NFIC: variants seen among roughly 807,000 people sequenced by gnomAD.
The protein encoded by NFIC is nuclear factor I C.
A neutral mutation model predicts 54.4 loss-of-function variants in NFIC; 12 were observed. The observed-to-expected ratio is 0.22, with a 90% confidence interval of 0.14 to 0.36. The LOEUF (loss-of-function observed/expected upper bound fraction) is 0.36, where lower values mean the gene tolerates loss of function less well. Ranked by LOEUF, NFIC falls within the 10% of genes least tolerant of loss-of-function variation. NFIC has a pLI of 1.00. For missense variants in NFIC, 575 were observed against 718.2 expected, an observed-to-expected ratio of 0.80 and a Z score of 2.28; for synonymous variants, 322 against 319.2, an observed-to-expected ratio of 1.01 and a Z score of -0.09.
chr19:3,437,531 C>A (rs1568183162), intron 6 of NFIC, among the ~76,000 whole-genome samples: 2 of 148,588 alleles, frequency 1.3e-5, no homozygotes, highest in East Asian at 4.0e-4. Flanking sequence ...TTATGAGGTT[C>A]TTTTTTTGTT....
chr19:3,420,708 T>C (rs983397152), intron 2 of NFIC, among the ~76,000 whole-genome samples: 2 of 152,050 alleles, frequency 1.3e-5, no homozygotes, highest in Non-Finnish European at 2.9e-5. Flanking sequence ...TCTGGGAGTT[T>C]TATTAATAAT....
At chr19:3,435,897 G>A (rs1346143816) in intron 6 of NFIC, among the ~76,000 whole-genome samples, 1 of 151,904 alleles carries the variant, frequency 6.6e-6, no homozygotes, top group Admixed American at 6.6e-5. Flanking sequence ...CGCGATCTCC[G>A]CTCACTGCAG....
At chr19:3,403,170 A>C (rs949176841) in intron 2 of NFIC, among the ~76,000 whole-genome samples, 1 of 152,154 alleles carries the variant, frequency 6.6e-6, no homozygotes, top group African/African-American at 2.4e-5. Context: ...AAAAGCATTT[A>C]TCGAGCACCA....
chr19:3,408,891 G>A (rs561730919), intron 2 of NFIC, among the ~76,000 whole-genome samples: 4 of 152,088 alleles, frequency 2.6e-5, no homozygotes, highest in South Asian at 2.1e-4. Flanking sequence ...GCTGACACCC[G>A]GCTAATTTTT....
chr19:3,464,832 T>G lies in NFIC; in HGVS notation c.*2063T>G. On this transcript the variant is annotated 3_prime_UTR_variant, in exon 11 of 11. Coordinates refer to ENST00000443272, the MANE Select transcript of NFIC (RefSeq NM_001245002.2). Reference sequence around the variant, plus strand: ...CTGTCCTCGGGGCCCGCTCCCCCGGTGGCCCTTGGGGATCAAAGCGTGGGC... The same window carrying G: ...CTGTCCTCGGGGCCCGCTCCCCCGGGGGCCCTTGGGGATCAAAGCGTGGGC... 4 of 463,748 alleles carry G rather than the reference T, an allele frequency of 8.6e-6. No homozygotes were observed. Among genetic ancestry groups the G allele is most frequent in the Non-Finnish European group, 8.5e-6 (3 of 354,888 alleles). The allele number at this position is 463,748 out of a possible 1,614,324, so 28.7% of individuals were successfully genotyped here. A position where few individuals can be genotyped will look rare whatever the true frequency, so the allele number is the denominator to read the frequency against.
chr19:3,390,579 A>G (rs2081361857), intron 2 of NFIC, among the ~76,000 whole-genome samples: 1 of 152,170 alleles, frequency 6.6e-6, no homozygotes, highest in Non-Finnish European at 1.5e-5. Context: ...AATGGGGATG[A>G]TAATAATCCT....
intron 2 of NFIC, among the ~76,000 whole-genome samples, chr19:3,412,571 A>C (rs2081781737): frequency 6.6e-6 from 1 of 152,124 alleles, no homozygotes; most frequent in Non-Finnish European, 1.5e-5. Flanking sequence ...CATACGTTTT[A>C]AAGAGAGGTG....
Position 3,454,379 on chromosome 19 carries a change from G to A in NFIC, c.1423+463G>A, listed in dbSNP as rs1053251806. 3.8e-5 allele frequency: 23 copies of A among 609,286 alleles called. No homozygotes were observed. The South Asian group carries it at 1.3e-3, about 34-fold the overall frequency. 37.7% of individuals were successfully genotyped at this position (609,286 alleles called of 1,614,324 possible). ...TTCCAGAGTTCTGGCTTCTTGGGGA[G>A]AAAGGAGCTACACCAGGCCCAGTTC... is the stretch of plus-strand genomic sequence containing the variant. On this transcript the variant is annotated intron_variant, in intron 9 of 10. Transcript: ENST00000443272.
At chr19:3,415,175 C>G (rs987217190) in intron 2 of NFIC, among the ~76,000 whole-genome samples, 1 of 145,474 alleles carries the variant, frequency 6.9e-6, no homozygotes, top group Admixed American at 6.9e-5. Context: ...TGCAGTGGTA[C>G]GATCTCGGCT....
In NFIC at chr19:3,430,192, C is replaced by G. The variant is rs115668485; in HGVS notation, c.635-3326C>G. 2.5e-3 allele frequency among the ~76,000 whole-genome samples: 381 copies of G among 152,010 alleles called. 3 individuals are homozygous for G. The highest frequency in any genetic ancestry group is 7.9e-3 in the African/African-American group (327 of 41,476). On this transcript the variant is annotated intron_variant, in intron 3 of 10. Transcript: ENST00000443272. The stretch of plus-strand genomic sequence containing the variant: ...CATCATTTTAGCCATTTTTAAGTGT[C>G]CAAGTCAAAGTGCACTAAGTACATT...
rs529220524 is a variant in NFIC, at chr19:3,380,309, C to CTTTTT, written c.31-1382_31-1378dup. Among the ~76,000 whole-genome samples the CTTTTT allele has an allele frequency of 5.9e-3, 386 of 65,148 alleles. 41 individuals are homozygous for CTTTTT. The highest frequency in any genetic ancestry group is 0.016 in the Middle Eastern group (1 of 62). 42.7% of individuals were successfully genotyped at this position (65,148 alleles called of 152,430 possible). ...GTGAGCCACCGTGCCCAGCCTTGTT[C>CTTTTT]TTTTTTTTTTTTTTTTTTTTTTTTT... is the stretch of plus-strand genomic sequence containing the variant. On this transcript the variant is annotated intron_variant, in intron 1 of 10. Transcript: ENST00000443272.
Position 3,455,121 on chromosome 19 carries a change from C to T in NFIC, c.1423+1205C>T, listed in dbSNP as rs182725834. ...GAGGCAGAGAGGACATTCCATGTGG[C>T]GCCTGATGCTGCGTGGTGTCAGGCA... On this transcript the variant is annotated intron_variant, in intron 9 of 10. Coordinates refer to ENST00000443272, the MANE Select transcript of NFIC (RefSeq NM_001245002.2). 5.3e-5 allele frequency among the ~76,000 whole-genome samples: 8 copies of T among 152,326 alleles called. No individual in the cohort carries two copies. The East Asian group carries it at 9.7e-4, about 18-fold the overall frequency.
At chr19:3,384,932 G>A (rs1213323339) in intron 2 of NFIC, among the ~76,000 whole-genome samples, 2 of 144,126 alleles carry the variant, frequency 1.4e-5, no homozygotes, top group Non-Finnish European at 3.0e-5. Context: ...CCGGGGCCCC[G>A]CCCCCACCTC....
chr19:3,422,398 T>C (rs1417443295), intron 2 of NFIC, among the ~76,000 whole-genome samples: 1 of 151,340 alleles, frequency 6.6e-6, no homozygotes, highest in African/African-American at 2.4e-5. Context: ...TCATCTCATT[T>C]TGCGGATGAA....
At position 3,467,662 on chromosome 19, in the gene NFIC, A is replaced by C. The variant is rs917560485; in HGVS notation, c.*4893A>C. 3.3e-5 allele frequency: 5 copies of C among 149,636 alleles called. No individual in the cohort carries two copies. The highest frequency in any genetic ancestry group is 5.9e-5 in the Non-Finnish European group (4 of 67,628). 9.3% of individuals were successfully genotyped at this position (149,636 alleles called of 1,614,324 possible). ...CAAGACAGGTTCTGGAGCCAGGAGC[A>C]ACTGTCCAGCCCTCCAGAAGAGACA... On this transcript the variant is annotated 3_prime_UTR_variant, in exon 11 of 11. Transcript: ENST00000443272.
chr19:3,393,644 GTCTCT>G (rs1427255950), intron 2 of NFIC, among the ~76,000 whole-genome samples: 1 of 151,294 alleles, frequency 6.6e-6, no homozygotes. Flanking sequence ...ATGAAACCCG[GTCTCT>G]ACTAAAAATA....
At chr19:3,388,774 G>T (rs773813297) in intron 2 of NFIC, among the ~76,000 whole-genome samples, 6 of 152,068 alleles carry the variant, frequency 3.9e-5, no homozygotes, top group Non-Finnish European at 7.3e-5. Flanking sequence ...GTTGCAGTGA[G>T]CTGTGATCCC....
chr19:3,452,535 A>G lies in NFIC; in HGVS notation c.1138A>G (p.Ile380Val). The G allele has an allele frequency of 6.2e-7, 1 of 1,613,494 alleles. No homozygotes were observed. The highest frequency in any genetic ancestry group is 2.2e-5 in the East Asian group (1 of 44,866). Residue 380 changes from isoleucine (I) to valine (V), a missense_variant, in exon 8 of 11, where the codon ATC becomes GTC. Ile to Val is a conservative substitution (Grantham distance 29). This residue lies in a region of NFIC where 447 missense variants were observed against 526.9 expected (regional missense o/e 0.85). Transcript: ENST00000443272. This position sits in a 1 kb window ranked among gnomAD's most constrained non-coding sequence, Gnocchi z 5.3. ...CGCTCTGCATTTCCCTACGACGTCC[A>G]TCCTACCCCAGACGGCCTCCACCTA... ...SSALHFPTTSILPQTASTYFP... is the reference protein window; with the variant it reads ...SSALHFPTTSVLPQTASTYFP...
chr19:3,366,246 G>C (rs180790201), upstream of NFIC, among the ~76,000 whole-genome samples: 4 of 145,050 alleles, frequency 2.8e-5, no homozygotes, highest in South Asian at 2.2e-4. Context: ...CGGGAGGAGC[G>C]GGGGGGTCCT....
Sources: gnomAD v4.1 joint callset for allele counts (sites outside exome capture counted in the v4.1 genomes callset) on GRCh38, gnomAD v4.1.1 for gene constraint, gnomAD v4.1.1 regional missense constraint, Gnocchi (gnomAD v3.1) non-coding constraint, MANE v1.5 for transcripts, NCBI Gene and HGNC (gene_info 2026-07-23, HGNC 2026-07-21) for gene names.